The following PCDH15 variants were observed in gnomAD, a reference collection of about 807,000 sequenced individuals.
PCDH15 encodes protocadherin-15.
PCDH15 carries 129 observed loss-of-function variants against 178.5 expected under a neutral mutation model. The ratio of observed to expected loss-of-function variants is 0.72; its 90% confidence interval spans 0.63 to 0.84. The LOEUF (loss-of-function observed/expected upper bound fraction) is 0.84. PCDH15 is among the 40% of genes least tolerant of loss of function. The pLI is 0.00. For missense variants in PCDH15, 2,230 were observed against 2,099.9 expected (o/e 1.06, Z -1.21); for synonymous variants, 800 against 732.0 (o/e 1.09, Z -1.50).
At chr10:55,496,517 T>G (rs1840537780) in intron 2 of PCDH15, among the ~76,000 whole-genome samples, 1 of 151,750 alleles carries the variant, frequency 6.6e-6, no homozygotes, top group Non-Finnish European at 1.5e-5. Flanking sequence ...GACAATTAAG[T>G]AACTACACTG....
intron 2 of PCDH15, among the ~76,000 whole-genome samples, chr10:55,574,229 T>G (rs1842457237): frequency 6.6e-6 from 1 of 152,038 alleles, no homozygotes; most frequent in Non-Finnish European, 1.5e-5. Flanking sequence ...TTTTTGAGTC[T>G]GACATACCAT....
At chr10:55,111,977 A>G (rs1026783070) in intron 2 of PCDH15, among the ~76,000 whole-genome samples, 2 of 152,350 alleles carry the variant, frequency 1.3e-5, no homozygotes, top group South Asian at 4.1e-4. Context: ...ATAATAGTAT[A>G]TTGATAATGA....
chr10:55,608,162 T>G (rs1192113691), intron 2 of PCDH15, among the ~76,000 whole-genome samples: 1 of 151,548 alleles, frequency 6.6e-6, no homozygotes, highest in Non-Finnish European at 1.5e-5. Flanking sequence ...TAAAAACAAT[T>G]ACAAACTTCA....
At chr10:54,012,529 A>T (rs1341375170) in intron 20 of PCDH15, among the ~76,000 whole-genome samples, 2 of 152,112 alleles carry the variant, frequency 1.3e-5, no homozygotes, top group Non-Finnish European at 2.9e-5. Flanking sequence ...AGAAAAAAAT[A>T]TAAAGGCAGC....
At chr10:55,158,184 G>T (rs1838950778) in intron 2 of PCDH15, among the ~76,000 whole-genome samples, 1 of 151,466 alleles carries the variant, frequency 6.6e-6, no homozygotes, top group African/African-American at 2.4e-5. Flanking sequence ...ACACACATTT[G>T]TATGTATACA....
At position 54,066,843 on chromosome 10, in the gene PCDH15, C is replaced by A; in HGVS notation, c.2134G>T (p.Asp712Tyr). The A allele has an allele frequency of 6.2e-7, 1 of 1,613,402 alleles. No homozygotes were observed. Among genetic ancestry groups the A allele is most frequent in the Non-Finnish European group, 8.5e-7 (1 of 1,179,572 alleles). Residue 712 changes from aspartate (D) to tyrosine (Y), a missense_variant, in exon 18 of 38, where the codon GAC (aspartate) becomes TAC (tyrosine). Transcript: ENST00000644397. ...TVNIVVTDVNDNAPVFDPYLP... is the reference protein window; with the variant it reads ...TVNIVVTDVNYNAPVFDPYLP... ...TAAGGATCAAACACTGGAGCATTGT[C>A]ATTGACATCTGTCACCACTATGTTT...
In PCDH15 at chr10:54,779,488, G is replaced by GTA. The variant is rs1555192845; in HGVS notation, c.-29+21435_-29+21436dup. Among the ~76,000 whole-genome samples the GTA allele has an allele frequency of 8.3e-4, 44 of 53,320 alleles. 2 individuals are homozygous for GTA. Among genetic ancestry groups the GTA allele is most frequent in the Non-Finnish European group, 9.6e-4 (30 of 31,306 alleles). The allele number at this position is 53,320 out of a possible 152,430, so 35.0% of individuals were successfully genotyped here. On this transcript the variant is annotated intron_variant, in intron 1 of 37. Transcript: ENST00000644397. ...TGTATATATATACACACATATATAT[G>GTA]TATATATATACACACATATATGTGT...
intron 2 of PCDH15, among the ~76,000 whole-genome samples, chr10:55,435,899 A>G (rs942605799): frequency 2.0e-5 from 3 of 152,158 alleles, no homozygotes; most frequent in Non-Finnish European, 4.4e-5. Flanking sequence ...CCCACATGAT[A>G]TAAGAGTTGA....
At chr10:54,317,180 T>C in intron 8 of PCDH15, 91 bp downstream of exon 8, 1 of 1,388,396 alleles carries the variant, frequency 7.2e-7, no homozygotes, top group Non-Finnish European at 1.0e-6. Context: ...AGTTTTGCTA[T>C]TATAAATTAT....
chr10:54,990,929 T>C (rs1490671306), intron 2 of PCDH15, among the ~76,000 whole-genome samples: 1 of 151,592 alleles, frequency 6.6e-6, no homozygotes, highest in African/African-American at 2.4e-5. Flanking sequence ...CTCCAAACTA[T>C]TATGGCAATT....
chr10:53,991,969 C>T (rs185438032), intron 21 of PCDH15, among the ~76,000 whole-genome samples: 240 of 152,234 alleles, frequency 1.6e-3, no homozygotes, highest in African/African-American at 5.5e-3. Context: ...GGGTCCCCTT[C>T]CACCCTGTGG....
chr10:54,482,748 A>G (rs1334156990), intron 3 of PCDH15, among the ~76,000 whole-genome samples: 2 of 151,862 alleles, frequency 1.3e-5, no homozygotes, highest in African/African-American at 2.4e-5. Flanking sequence ...AGATTTGCCT[A>G]TGCCCATATA....
chr10:54,041,706 G>A (rs2093550187), intron 18 of PCDH15, among the ~76,000 whole-genome samples: 1 of 151,964 alleles, frequency 6.6e-6, no homozygotes, highest in African/African-American at 2.4e-5. Flanking sequence ...TGAACTATGA[G>A]AGCACATAAA....
chr10:55,338,046 T>C (rs1334097643), intron 2 of PCDH15, among the ~76,000 whole-genome samples: 1 of 151,994 alleles, frequency 6.6e-6, no homozygotes, highest in Non-Finnish European at 1.5e-5. Context: ...AAAAACTATA[T>C]GGAAAAAAAG....
intron 3 of PCDH15, among the ~76,000 whole-genome samples, chr10:54,379,752 C>A (rs1288142407): frequency 2.0e-5 from 3 of 151,922 alleles, no homozygotes; most frequent in South Asian, 2.1e-4. Context: ...GATCTCTTTG[C>A]CAAATAATAA....
chr10:54,447,383 C>T (rs2891521), intron 3 of PCDH15, among the ~76,000 whole-genome samples: 74 of 151,420 alleles, frequency 4.9e-4, no homozygotes, highest in East Asian at 3.5e-3. Flanking sequence ...CCAACATCTC[C>T]GCAATTTCCC....
intron 27 of PCDH15, among the ~76,000 whole-genome samples, chr10:53,865,717 A>G (rs1245022301): frequency 1.4e-5 from 2 of 137,954 alleles, no homozygotes; most frequent in African/African-American, 5.7e-5. Context: ...AATCATGGTG[A>G]TTGTTCTTCA....
chr10:55,577,886 C>G lies in PCDH15; in HGVS notation c.-156+49739G>C, dbSNP rs575077677. On this transcript the variant is annotated intron_variant, in intron 2 of 5. Transcript: ENST00000613346. ...AATTAAATGATTTGAATTTCTGAACCCTTCAGAAAGGAGAAATTTAACTTT... is the reference window on the plus strand; with the variant it reads ...AATTAAATGATTTGAATTTCTGAACGCTTCAGAAAGGAGAAATTTAACTTT... Among the ~76,000 whole-genome samples the G allele has an allele frequency of 5.9e-5, 9 of 152,050 alleles. No individual in the cohort carries two copies. In the South Asian group the frequency reaches 1.9e-3, roughly 31 times the overall value.
chr10:54,934,965 A>G (rs959200697), intron 2 of PCDH15, among the ~76,000 whole-genome samples: 1 of 152,060 alleles, frequency 6.6e-6, no homozygotes, highest in Non-Finnish European at 1.5e-5. Flanking sequence ...AATTCTCAGT[A>G]AACTATCGCA....
Sources: allele counts gnomAD v4.1 joint callset (sites outside exome capture counted in the v4.1 genomes callset), GRCh38; gene constraint gnomAD v4.1.1; transcripts MANE v1.5; gene names NCBI Gene and HGNC (gene_info 2026-07-23, HGNC 2026-07-21).